The following SPAG16 variants were observed in gnomAD, a reference collection of about 807,000 sequenced individuals.
SPAG16 encodes sperm-associated antigen 16 protein.
In SPAG16, 86 loss-of-function variants were observed where a neutral mutation model predicts 80.4. The observed-to-expected ratio is 1.07, with a 90% CI of 0.90 to 1.28. SPAG16 has a LOEUF of 1.28. SPAG16 is among the 50% of genes most tolerant of loss of function. SPAG16 has a pLI of 0.00. For missense variants in SPAG16, 870 were observed against 765.3 expected, an observed-to-expected ratio of 1.14 and a Z score of -1.61; for synonymous variants, 294 against 265.9, an observed-to-expected ratio of 1.11 and a Z score of -1.03.
intron 13 of SPAG16, among the ~76,000 whole-genome samples, chr2:214,088,783 C>T (rs777431135): frequency 3.5e-4 from 53 of 151,918 alleles, no homozygotes; most frequent in Non-Finnish European, 6.3e-4. Flanking sequence ...TCCTCTCACC[C>T]GTTAAGTGAC....
At position 213,620,294 on chromosome 2, in the gene SPAG16, T is replaced by C. The variant is rs866716658; in HGVS notation, c.1070+130204T>C. On this transcript the variant is annotated intron_variant, in intron 10 of 15. Transcript: ENST00000331683. Reference sequence around the variant, plus strand: ...ATAATTTATTGAGTTTTTTTTTTTTTTTTTTTTTTTTTTTTTGAGACGGAG... The same window carrying C: ...ATAATTTATTGAGTTTTTTTTTTTTCTTTTTTTTTTTTTTTTGAGACGGAG... Among the ~76,000 whole-genome samples, 17 of 129,018 alleles carry C rather than the reference T, an allele frequency of 1.3e-4. No individual in the cohort carries two copies. The South Asian group carries it at 4.6e-3, about 35-fold the overall frequency. The allele number at this position is 129,018 out of a possible 152,430, so 84.6% of individuals were successfully genotyped here. A position where few individuals can be genotyped will look rare whatever the true frequency, so the allele number is the denominator to read the frequency against.
At chr2:213,612,689 T>A (rs1255170085) in intron 10 of SPAG16, among the ~76,000 whole-genome samples, 1 of 152,068 alleles carries the variant, frequency 6.6e-6, no homozygotes, top group African/African-American at 2.4e-5. Flanking sequence ...ATTAAAATAA[T>A]TTTTTTTGAG....
chr2:213,929,138 C>T (rs748770177), intron 11 of SPAG16, among the ~76,000 whole-genome samples: 3 of 150,104 alleles, frequency 2.0e-5, no homozygotes, highest in Non-Finnish European at 4.4e-5. Context: ...CTCAGCCTCT[C>T]GAGTAGCTGG....
At chr2:213,285,680 A>G (rs541956909) in intron 1 of SPAG16, among the ~76,000 whole-genome samples, 1 of 152,368 alleles carries the variant, frequency 6.6e-6, no homozygotes, top group Non-Finnish European at 1.5e-5. Context: ...TTTAGCTGAA[A>G]GATTAAAGAA....
chr2:213,295,366 T>C lies in SPAG16; in HGVS notation c.137-698T>C, dbSNP rs116000313. On this transcript the variant is annotated intron_variant, in intron 1 of 15. Transcript: ENST00000331683. Reference sequence around the variant, plus strand: ...TTTTGAAAGTCTTAAAGCAGTTCTCTTAGAATTATTTTATGTTAGAATCAT... The same window carrying C: ...TTTTGAAAGTCTTAAAGCAGTTCTCCTAGAATTATTTTATGTTAGAATCAT... Among the ~76,000 whole-genome samples, 256 of 152,216 alleles carry C rather than the reference T, an allele frequency of 1.7e-3. 1 individual carries two copies. The highest frequency in any genetic ancestry group is 5.8e-3 in the African/African-American group (240 of 41,566).
chr2:213,507,176 G>A (rs2075001419), intron 10 of SPAG16, among the ~76,000 whole-genome samples: 1 of 152,144 alleles, frequency 6.6e-6, no homozygotes, highest in African/African-American at 2.4e-5. Context: ...GGAGAGGGTT[G>A]GGGGAAGATT....
intron 15 of SPAG16, among the ~76,000 whole-genome samples, chr2:214,220,250 T>C (rs2058533544): frequency 6.6e-6 from 1 of 152,148 alleles, no homozygotes; most frequent in Non-Finnish European, 1.5e-5. Flanking sequence ...TTATATCTAA[T>C]CTGCTTATAA....
intron 15 of SPAG16, among the ~76,000 whole-genome samples, chr2:214,287,100 A>C (rs987275081): frequency 1.3e-5 from 2 of 152,228 alleles, no homozygotes; most frequent in Non-Finnish European, 2.9e-5. Context: ...TCAGAAACAC[A>C]AACCTAACTT....
At chr2:214,236,852 G>A (rs1312678719) in intron 15 of SPAG16, among the ~76,000 whole-genome samples, 1 of 151,994 alleles carries the variant, frequency 6.6e-6, no homozygotes, top group Non-Finnish European at 1.5e-5. Context: ...TAACCATAAG[G>A]CTATGGCAAA....
intron 12 of SPAG16, among the ~76,000 whole-genome samples, chr2:213,942,972 G>A (rs1559614014): frequency 6.6e-6 from 1 of 151,998 alleles, no homozygotes; most frequent in Non-Finnish European, 1.5e-5. Context: ...ATATAGGAAG[G>A]GACAAGAGAC....
intron 10 of SPAG16, among the ~76,000 whole-genome samples, chr2:213,848,204 T>TTAGA (rs1295961348): frequency 6.6e-6 from 1 of 152,202 alleles, no homozygotes; most frequent in Non-Finnish European, 1.5e-5. Context: ...AAGTTGCTGT[T>TTAGA]TAGATGCTCC....
intron 10 of SPAG16, among the ~76,000 whole-genome samples, chr2:213,629,085 G>A (rs1221467558): frequency 1.3e-5 from 2 of 152,208 alleles, no homozygotes; most frequent in Non-Finnish European, 2.9e-5. Flanking sequence ...AAACTCATAA[G>A]CAAAGGACTG....
At chr2:213,867,015 TA>T (rs5838399) in intron 11 of SPAG16, among the ~76,000 whole-genome samples, 90,350 of 151,976 alleles carry the variant, frequency 0.59, 28,740 homozygotes, top group South Asian at 0.85. Flanking sequence ...CTCAAAATAA[TA>T]ACTATACACA....
chr2:214,151,735 G>T (rs761558530), intron 15 of SPAG16, among the ~76,000 whole-genome samples: 2 of 151,520 alleles, frequency 1.3e-5, no homozygotes, highest in African/African-American at 4.8e-5. Context: ...TACACCTAGC[G>T]TGTTATTTGT....
chr2:213,988,774 A>C (rs775136552), intron 12 of SPAG16, among the ~76,000 whole-genome samples: 4 of 152,120 alleles, frequency 2.6e-5, no homozygotes, highest in Non-Finnish European at 4.4e-5. Context: ...AAAACTACAA[A>C]ACACTTAAGA....
intron 10 of SPAG16, among the ~76,000 whole-genome samples, chr2:213,600,171 A>T (rs1227792046): frequency 6.6e-6 from 1 of 152,126 alleles, no homozygotes; most frequent in East Asian, 1.9e-4. Context: ...AAATAACTGA[A>T]TAATTGTTTT....
At chr2:214,178,725 G>T (rs2057212714) in intron 15 of SPAG16, among the ~76,000 whole-genome samples, 1 of 151,244 alleles carries the variant, frequency 6.6e-6, no homozygotes, top group East Asian at 1.9e-4. Context: ...AAATATTAAA[G>T]TAATATTTCT....
chr2:214,239,111 G>T (rs1296423597), intron 15 of SPAG16: 1 of 151,966 alleles, frequency 6.6e-6, no homozygotes, highest in Non-Finnish European at 1.5e-5. Flanking sequence ...GCATATTGCA[G>T]CCCCAAACTT....
chr2:213,977,689 G>T (rs1231429611), intron 12 of SPAG16, among the ~76,000 whole-genome samples: 1 of 151,956 alleles, frequency 6.6e-6, no homozygotes, highest in Admixed American at 6.6e-5. Flanking sequence ...TTTCATGAAT[G>T]GTAGTGCATG....
Sources: gnomAD v4.1 joint callset for allele counts (sites outside exome capture counted in the v4.1 genomes callset) on GRCh38, gnomAD v4.1.1 for gene constraint, MANE v1.5 for transcripts, NCBI Gene and HGNC (gene_info 2026-07-23, HGNC 2026-07-21) for gene names.